Variants in SLC8A1 observed in about 807,000 individuals in gnomAD.
The protein encoded by SLC8A1 is sodium/calcium exchanger 1.
SLC8A1 carries 18 observed loss-of-function variants against 68.3 expected under a neutral mutation model. The ratio of observed to expected loss-of-function variants is 0.26; its 90% CI spans 0.18 to 0.39. The LOEUF (loss-of-function observed/expected upper bound fraction) is 0.39, where lower values mean the gene tolerates loss of function less well. Among genes scored for constraint, SLC8A1 ranks in the 10% least tolerant of loss-of-function variants. SLC8A1 has a pLI of 1.00. For missense variants in SLC8A1, 985 were observed against 1,156.7 expected, an observed-to-expected ratio of 0.85 and a Z score of 2.15; for synonymous variants, 475 against 415.5, an observed-to-expected ratio of 1.14 and a Z score of -1.74.
intron 1 of SLC8A1, among the ~76,000 whole-genome samples, chr2:40,485,842 T>G (rs1704934093): frequency 6.6e-6 from 1 of 152,178 alleles, no homozygotes; most frequent in African/African-American, 2.4e-5. Context: ...AAAAATACTG[T>G]GTAGAAAATT....
At chr2:40,465,073 T>C (rs944906121) in intron 1 of SLC8A1, among the ~76,000 whole-genome samples, 1 of 152,158 alleles carries the variant, frequency 6.6e-6, no homozygotes, top group Non-Finnish European at 1.5e-5. Flanking sequence ...TGCAAATCTC[T>C]AGAGAAGAAG....
At chr2:40,370,183 G>A (rs886826853) in intron 2 of SLC8A1, among the ~76,000 whole-genome samples, 2 of 152,104 alleles carry the variant, frequency 1.3e-5, no homozygotes, top group African/African-American at 4.8e-5. Flanking sequence ...ACGCTTGTTG[G>A]TGAGTCATTC....
intron 2 of SLC8A1, among the ~76,000 whole-genome samples, chr2:40,381,792 T>C (rs890134166): frequency 2.0e-5 from 3 of 151,096 alleles, no homozygotes; most frequent in East Asian, 2.0e-4. Flanking sequence ...ACTTTCCAGA[T>C]CACCATCTGG....
chr2:40,326,350 C>G (rs1265385577), intron 2 of SLC8A1, among the ~76,000 whole-genome samples: 1 of 151,976 alleles, frequency 6.6e-6, no homozygotes, highest in African/African-American at 2.4e-5. Flanking sequence ...CCAAGACCAC[C>G]TCATAATATA....
chr2:40,321,806 G>T (rs114290845), intron 2 of SLC8A1, among the ~76,000 whole-genome samples: 2,643 of 152,120 alleles, frequency 0.017, 73 homozygotes, highest in African/African-American at 0.061. Context: ...TACAATTCAA[G>T]ATAAGATTTG....
rs76641552 is a variant in SLC8A1 at position 40,265,186 on chromosome 2, C to A, written c.1809-87331G>T. Among the ~76,000 whole-genome samples, 30 of 152,276 alleles carry A rather than the reference C, an allele frequency of 2.0e-4. No homozygotes were observed. In the East Asian group the frequency reaches 4.6e-3, roughly 24 times the overall value. ...CAATGTAGAGTAGACGATGGGCATG[C>A]AGCATGAGTAAGAAATAGATCTTTA... On this transcript the variant is annotated intron_variant, in intron 2 of 7. Transcript: ENST00000406785.
intron 2 of SLC8A1, among the ~76,000 whole-genome samples, chr2:40,303,705 G>A (rs897286195): frequency 1.3e-5 from 2 of 152,116 alleles, no homozygotes; most frequent in African/African-American, 2.4e-5. Context: ...AAATGGACTC[G>A]GAGGAATCCT....
chr2:40,427,271 T>G (rs879919981), intron 2 of SLC8A1, among the ~76,000 whole-genome samples: 20 of 152,048 alleles, frequency 1.3e-4, no homozygotes, highest in Non-Finnish European at 2.4e-4. Context: ...CTCCCCCTTT[T>G]TGGTTTGTTT....
At chr2:40,119,419 A>G (rs2036271830) in intron 7 of SLC8A1, among the ~76,000 whole-genome samples, 1 of 152,154 alleles carries the variant, frequency 6.6e-6, no homozygotes. Flanking sequence ...TTCCAAATGA[A>G]GTGCGATGGA....
In SLC8A1 at chr2:40,233,918, A is replaced by G. The variant is rs531533095; in HGVS notation, c.1809-56063T>C. Among the ~76,000 whole-genome samples the G allele has an allele frequency of 1.9e-3, 294 of 151,378 alleles. 1 individual carries two copies. Among genetic ancestry groups the G allele is most frequent in the Middle Eastern group, 6.8e-3 (2 of 294 alleles). ...GATCAGATAGTTGTAGATATGCGGC[A>G]TTATTTCTGAGGGCTCTGTTCTGTT... On this transcript the variant is annotated intron_variant, in intron 2 of 7. Coordinates refer to ENST00000406785, the Ensembl canonical transcript of SLC8A1.
In SLC8A1 at chr2:40,148,068, A is replaced by G. The variant is rs542545995; in HGVS notation, c.2162-8392T>C. On this transcript the variant is annotated intron_variant, in intron 6 of 7. Coordinates refer to ENST00000406785, the Ensembl canonical transcript of SLC8A1. Reference sequence around the variant, plus strand: ...AATCTCTGTGGTTTGTACAGCAAAAATTCATTCTGATAAAATGTAAGCTCA... The same window carrying G: ...AATCTCTGTGGTTTGTACAGCAAAAGTTCATTCTGATAAAATGTAAGCTCA... Among the ~76,000 whole-genome samples the G allele has an allele frequency of 8.1e-4, 124 of 152,344 alleles. 1 individual carries two copies. The highest frequency in any genetic ancestry group is 2.9e-3 in the African/African-American group (121 of 41,584).
chr2:40,415,014 G>T (rs1399617082), intron 2 of SLC8A1, among the ~76,000 whole-genome samples: 1 of 152,166 alleles, frequency 6.6e-6, no homozygotes, highest in African/African-American at 2.4e-5. Flanking sequence ...TCAGAAATTT[G>T]TTGTAAAAGG....
intron 2 of SLC8A1, among the ~76,000 whole-genome samples, chr2:40,325,854 A>C (rs2149356137): frequency 6.7e-6 from 1 of 150,310 alleles, no homozygotes; most frequent in East Asian, 2.0e-4. Flanking sequence ...CTTGGGACTG[A>C]TATTCGATAT....
chr2:40,259,773 T>A (rs537934927), intron 2 of SLC8A1, among the ~76,000 whole-genome samples: 36 of 152,224 alleles, frequency 2.4e-4, no homozygotes, highest in Non-Finnish European at 4.1e-4. Context: ...AAAACAATAG[T>A]CTTTTTACTC....
chr2:40,344,134 G>T (rs1668523409), intron 2 of SLC8A1, among the ~76,000 whole-genome samples: 1 of 152,128 alleles, frequency 6.6e-6, no homozygotes, highest in African/African-American at 2.4e-5. Flanking sequence ...TCATTTTTTA[G>T]AGTAATAAGG....
At chr2:40,389,037 T>G (rs549944263) in intron 2 of SLC8A1, among the ~76,000 whole-genome samples, 3 of 152,260 alleles carry the variant, frequency 2.0e-5, no homozygotes, top group Non-Finnish European at 4.4e-5. Context: ...TATATATGTG[T>G]GTATACATAT....
intron 1 of SLC8A1, among the ~76,000 whole-genome samples, chr2:40,460,644 A>T (rs1029420056): frequency 6.6e-6 from 1 of 150,722 alleles, no homozygotes; most frequent in Non-Finnish European, 1.5e-5. Context: ...CAGTGGCATG[A>T]TCTGCAACCT....
chr2:40,353,633 C>A (rs1671793336), intron 2 of SLC8A1, among the ~76,000 whole-genome samples: 1 of 152,142 alleles, frequency 6.6e-6, no homozygotes, highest in African/African-American at 2.4e-5. Context: ...AATTCTAGGC[C>A]TGAAAACTAA....
At chr2:40,378,550 G>A (rs1178004348) in intron 2 of SLC8A1, among the ~76,000 whole-genome samples, 9 of 152,108 alleles carry the variant, frequency 5.9e-5, no homozygotes. Flanking sequence ...TTTGAGCAGA[G>A]GAGTGTCTGG....
Sources: allele counts gnomAD v4.1 joint callset (sites outside exome capture counted in the v4.1 genomes callset), GRCh38; gene constraint gnomAD v4.1.1; transcripts MANE v1.5; gene names NCBI Gene and HGNC (gene_info 2026-07-23, HGNC 2026-07-21).